CPXM2: variants seen among roughly 807,000 people sequenced by gnomAD.
CPXM2 encodes the protein inactive carboxypeptidase-like protein X2.
In CPXM2, 66 loss-of-function variants were observed where a neutral mutation model predicts 86.1. The observed-to-expected ratio is 0.77, with a 90% confidence interval of 0.63 to 0.94. CPXM2 has a LOEUF of 0.94. CPXM2 is among the 40% of genes least tolerant of loss of function. The probability of loss-of-function intolerance (pLI) is 0.00; values close to 1 mark genes in which losing one functional copy is unlikely to be tolerated. For missense variants in CPXM2, 948 were observed against 1,026.3 expected, an observed-to-expected ratio of 0.92 and a Z score of 1.04; for synonymous variants, 388 against 400.2, an observed-to-expected ratio of 0.97 and a Z score of 0.36.
rs192121717 is a variant in CPXM2 at position 123,921,096 on chromosome 10, A to G, written n.174+18381T>C. Among the ~76,000 whole-genome samples, 8 of 152,344 alleles carry G rather than the reference A, an allele frequency of 5.3e-5. No homozygotes were observed. The East Asian group carries it at 1.5e-3, about 29-fold the overall frequency. On this transcript the variant is annotated intron_variant and non_coding_transcript_variant, in intron 2 of 19. Coordinates refer to the CPXM2 transcript ENST00000368854. ...AAAAAAAGTTACTTCTGAATGCACC[A>G]GGTTGTTAGGGAAAAGGGTGGAATA...
chr10:123,900,505 A>G (rs1945373172), intron 2 of CPXM2, among the ~76,000 whole-genome samples: 1 of 152,256 alleles, frequency 6.6e-6, no homozygotes, highest in African/African-American at 2.4e-5. Flanking sequence ...GCAAATTTAA[A>G]TGAAGAGGTG....
intron 4 of CPXM2, among the ~76,000 whole-genome samples, chr10:123,831,955 G>A (rs1465246875): frequency 4.3e-5 from 6 of 138,166 alleles, no homozygotes; most frequent in South Asian, 2.5e-4. Flanking sequence ...GGTGGGGGGC[G>A]TGCCAGGGGG....
chr10:123,760,356 TGATA>T (rs774909906), intron 11 of CPXM2, among the ~76,000 whole-genome samples: 5 of 152,180 alleles, frequency 3.3e-5, no homozygotes, highest in Non-Finnish European at 5.9e-5. Flanking sequence ...GAATTCTTCT[TGATA>T]GATAGAGATT....
chr10:123,761,415 C>T (rs11248274), intron 11 of CPXM2, among the ~76,000 whole-genome samples: 1 of 152,186 alleles, frequency 6.6e-6, no homozygotes, highest in Non-Finnish European at 1.5e-5. Context: ...AACAGAATAG[C>T]TCTTACAGCT....
chr10:123,771,359 T>TA (rs1190422834), intron 7 of CPXM2, among the ~76,000 whole-genome samples: 1 of 152,148 alleles, frequency 6.6e-6, no homozygotes, highest in Admixed American at 6.5e-5. Context: ...CTCCAAATGT[T>TA]ATGTCTCTCA....
intron 11 of CPXM2, among the ~76,000 whole-genome samples, chr10:123,758,331 G>T (rs1173488159): frequency 6.6e-6 from 1 of 151,738 alleles, no homozygotes; most frequent in Non-Finnish European, 1.5e-5. Flanking sequence ...GCCTCCTCTA[G>T]GGGAGGAGCC....
chr10:123,752,255 T>C (rs996080232), intron 13 of CPXM2: 1 of 985,344 alleles, frequency 1.0e-6, no homozygotes, highest in Non-Finnish European at 1.2e-6. Context: ...TGAATAAATA[T>C]ATGAAAAAAA....
rs748178531 is a variant in CPXM2, at chr10:123,761,972, G to T, written c.1677C>A (p.His559Gln). Residue 559 changes from histidine (H) to glutamine (Q), a missense_variant, in exon 11 of 14, where the codon CAC becomes CAA. Transcript: ENST00000241305. ...TCCTCCGGGCGTCTGTCATGAGGCG[G>T]TGTGTGGAGGCATAGGAGTAGGCCA... ...RWLAYSYASTHRLMTDARRRV... is the reference protein window; with the variant it reads ...RWLAYSYASTQRLMTDARRRV... The T allele has an allele frequency of 6.2e-7, 1 of 1,613,724 alleles. No homozygotes were observed. Among genetic ancestry groups the T allele is most frequent in the African/African-American group, 1.3e-5 (1 of 74,916 alleles).
At chr10:123,852,402 C>T (rs1237396937) in intron 3 of CPXM2, among the ~76,000 whole-genome samples, 1 of 152,228 alleles carries the variant, frequency 6.6e-6, no homozygotes, top group Admixed American at 6.5e-5. Flanking sequence ...CTAAATCCAA[C>T]CACTTCCAAC....
chr10:123,768,594 C>T lies in CPXM2; in HGVS notation c.1231G>A (p.Val411Met). The part of the protein sequence containing the change: ...LARNARIVHL[V>M]EETRIHVLPS... ...AGGACGTGAATCCGCGTCTCCTCCA[C>T]CAGGTGGACGATGCGCGCATTCCGG... Residue 411 changes from valine (V) to methionine (M), a missense_variant, in exon 9 of 14, where the codon GTG becomes ATG. Val to Met is a conservative substitution (Grantham distance 21). Transcript: ENST00000241305. The T allele has an allele frequency of 2.5e-6, 4 of 1,614,068 alleles. No individual in the cohort carries two copies. The highest frequency in any genetic ancestry group is 3.4e-6 in the Non-Finnish European group (4 of 1,179,992).
intron 4 of CPXM2, among the ~76,000 whole-genome samples, chr10:123,830,872 C>CTCTCTCTCTGTGTGTGTG (rs1258897184): frequency 7.0e-6 from 1 of 142,716 alleles, no homozygotes; most frequent in African/African-American, 2.6e-5. Context: ...CTCTCTCTCT[C>CTCTCTCTCTGTGTGTGTG]TGTGTGTGTG....
Position 123,746,707 on chromosome 10 carries a change from C to T in CPXM2, c.*57G>A. 6.5e-7 allele frequency: 1 copy of T among 1,544,620 alleles called. No individual in the cohort carries two copies. Among genetic ancestry groups the T allele is most frequent in the Non-Finnish European group, 8.9e-7 (1 of 1,126,776 alleles). On this transcript the variant is annotated 3_prime_UTR_variant, in exon 14 of 14. Coordinates refer to ENST00000241305, the MANE Select transcript of CPXM2 (RefSeq NM_198148.3). ...AGTGAGTGAGTCCACTATGGAGCTA[C>T]TACCAGGTTGGTTTAATTTGCATGG...
intron 2 of CPXM2, among the ~76,000 whole-genome samples, chr10:123,903,626 G>A (rs760733576): frequency 6.6e-6 from 1 of 152,198 alleles, no homozygotes; most frequent in Non-Finnish European, 1.5e-5. Context: ...TAGGGGAAGA[G>A]GACTCTCATT....
chr10:123,775,550 G>A (rs1410956679), intron 7 of CPXM2, among the ~76,000 whole-genome samples: 2 of 152,172 alleles, frequency 1.3e-5, no homozygotes, highest in African/African-American at 4.8e-5. Context: ...CCCTTGAGAT[G>A]CACACTTAGC....
At chr10:123,768,367 C>G (rs913641650) in intron 9 of CPXM2, 159 bp downstream of exon 9, 2 of 379,930 alleles carry the variant, frequency 5.3e-6, no homozygotes, top group Non-Finnish European at 8.5e-6. Flanking sequence ...GAGGGAGACT[C>G]CGACTCAAAA....
At chr10:123,849,351 A>G (rs1389255024) in intron 3 of CPXM2, among the ~76,000 whole-genome samples, 2 of 151,582 alleles carry the variant, frequency 1.3e-5, no homozygotes, top group Non-Finnish European at 2.9e-5. Flanking sequence ...TGATGAAATC[A>G]TTATTTCTAC....
At chr10:123,780,360 T>G in intron 6 of CPXM2, 105 bp from the exon 7 acceptor site, 1 of 768,198 alleles carries the variant, frequency 1.3e-6, no homozygotes, top group Non-Finnish European at 2.3e-6. Context: ...GCCCAATCTC[T>G]AGCTTCTAAC....
intron 4 of CPXM2, among the ~76,000 whole-genome samples, chr10:123,810,863 CAGTAG>C (rs1847675861): frequency 2.0e-5 from 3 of 151,914 alleles, no homozygotes; most frequent in Admixed American, 6.6e-5. Context: ...GAAAAAGAAA[CAGTAG>C]AGTATTGTCC....
chr10:123,863,774 C>T (rs1233496322), intron 2 of CPXM2, among the ~76,000 whole-genome samples: 1 of 152,212 alleles, frequency 6.6e-6, no homozygotes, highest in Non-Finnish European at 1.5e-5. Flanking sequence ...CGCAGCTTGG[C>T]CCCTGAGCCC....
Sources: gnomAD v4.1 joint callset for allele counts (sites outside exome capture counted in the v4.1 genomes callset) on GRCh38, gnomAD v4.1.1 for gene constraint, MANE v1.5 for transcripts, NCBI Gene and HGNC (gene_info 2026-07-23, HGNC 2026-07-21) for gene names.